ALG10B: variants seen among roughly 807,000 people sequenced by gnomAD.
ALG10B encodes dol-P-Glc:Glc(2)Man(9)GlcNAc(2)-PP-Dol alpha-1,2-glucosyltransferase B.
A neutral mutation model predicts 38.7 loss-of-function variants in ALG10B; 27 were observed. That is an observed-to-expected ratio of 0.70 (90% CI 0.51 to 0.96). The LOEUF is 0.96. Ranked by LOEUF, ALG10B falls within the 40% of genes least tolerant of loss-of-function variation. The probability of loss-of-function intolerance (pLI) is 0.00; values close to 1 mark genes in which losing one functional copy is unlikely to be tolerated. For synonymous variants in ALG10B, 177 were observed against 193.3 expected (o/e 0.92, Z 0.70); for missense variants, 522 against 542.7 (o/e 0.96, Z 0.38).
At position 38,320,495 on chromosome 12, in the gene ALG10B, A is replaced by G. The variant is rs768497416; in HGVS notation, c.704A>G (p.Gln235Arg). 1 of 1,614,066 alleles carries G rather than the reference A, an allele frequency of 6.2e-7. No individual in the cohort carries two copies. The highest frequency in any genetic ancestry group is 1.1e-5 in the South Asian group (1 of 91,078). Residue 235 changes from glutamine to arginine, a missense_variant, in exon 3 of 3, where the codon CAG becomes CGG. Gln to Arg is a conservative substitution (Grantham distance 43, BLOSUM62 1). Coordinates refer to ENST00000308742, the MANE Select transcript of ALG10B (RefSeq NM_001013620.4). ...TTTGCAGAATTCAGAAAAATTCTTC[A>G]GTTTCTTTTGGCTTATTCCATGTCC... is the stretch of plus-strand genomic sequence containing the variant. Reference protein sequence around the residue: ...GPFAEFRKILQFLLAYSMSFK... With the variant: ...GPFAEFRKILRFLLAYSMSFK...
At position 38,316,876 on chromosome 12, in the gene ALG10B, G is replaced by C; in HGVS notation, c.-18G>C. The C allele has an allele frequency of 3.7e-6, 6 of 1,614,112 alleles. No individual in the cohort carries two copies. Among genetic ancestry groups the C allele is most frequent in the Non-Finnish European group, 5.1e-6 (6 of 1,179,990 alleles). ...TTTTCCAGGAGTGGGTTCTTGGGCA[G>C]TGGCTGTGGGAGCAGGAATGGCGCA... On this transcript the variant is annotated 5_prime_UTR_variant, in exon 1 of 3. Transcript: ENST00000308742.
rs902026633 is a variant in ALG10B at position 38,321,338 on chromosome 12, GT to G, written c.*132del. On this transcript the variant is annotated 3_prime_UTR_variant, in exon 3 of 3. Coordinates refer to ENST00000308742, the MANE Select transcript of ALG10B (RefSeq NM_001013620.4). ...CAGTGGTGGTCCTCAAATTACATTA[GT>G]TTTTTTAATATATATTTTAAACATA... 38 of 954,336 alleles carry G rather than the reference GT, an allele frequency of 4.0e-5. No individual in the cohort carries two copies. Among genetic ancestry groups the G allele is most frequent in the South Asian group, 2.9e-4 (12 of 41,412 alleles). The allele number at this position is 954,336 out of a possible 1,614,324, so 59.1% of individuals were successfully genotyped here.
Position 38,321,168 on chromosome 12 carries a change from T to A in ALG10B, c.1377T>A (p.Thr459=). 6.2e-7 allele frequency: 1 copy of A among 1,612,570 alleles called. No homozygotes were observed. The highest frequency in any genetic ancestry group is 1.1e-5 in the South Asian group (1 of 90,644). The change falls in exon 3 of 3, where the codon ACT becomes ACA. Residue 459 remains threonine, a synonymous_variant. Coordinates refer to ENST00000308742, the MANE Select transcript of ALG10B (RefSeq NM_001013620.4). The part of the protein sequence containing the change: ...FITFYIFLNK[T]FQWPNSQDIQ... ...CTTTTTACATCTTTCTGAACAAGAC[T>A]TTTCAGTGGCCAAATAGTCAGGACA... is the stretch of plus-strand genomic sequence containing the variant.
intron 1 of ALG10B, 51 bp downstream of exon 1, chr12:38,317,115 C>A: frequency 6.2e-7 from 1 of 1,612,082 alleles, no homozygotes; most frequent in Admixed American, 1.7e-5. Context: ...AAGGTCCCAG[C>A]GTCCCCAGCT....
At position 38,329,080 on chromosome 12, in the gene ALG10B, A is replaced by T. The variant is rs1275989127; in HGVS notation, c.*7867A>T. The stretch of plus-strand genomic sequence containing the variant: ...TATGATGGAGAAAGGCATGAAGTCT[A>T]CCTTCAAATTCATGGCATTTTAGAA... On this transcript the variant is annotated 3_prime_UTR_variant, in exon 3 of 3. Transcript: ENST00000308742. 2.5e-6 allele frequency: 1 copy of T among 396,846 alleles called. No homozygotes were observed. The highest frequency in any genetic ancestry group is 2.1e-5 in the African/African-American group (1 of 48,606). The allele number at this position is 396,846 out of a possible 1,614,324, so 24.6% of individuals were successfully genotyped here. A position where few individuals can be genotyped will look rare whatever the true frequency, so the allele number is the denominator to read the frequency against.
chr12:38,317,876 T>C, intron 1 of ALG10B: 1 of 308,204 alleles, frequency 3.2e-6, no homozygotes, highest in South Asian at 3.2e-5. Context: ...TGTCTCAGTT[T>C]ATGTCAGCTG....
chr12:38,328,586 T>A lies in ALG10B; in HGVS notation c.*7373T>A, dbSNP rs1945765969. 6.6e-6 allele frequency: 1 copy of A among 152,200 alleles called. No homozygotes were observed. Among genetic ancestry groups the A allele is most frequent in the Admixed American group, 6.5e-5 (1 of 15,284 alleles). The allele number at this position is 152,200 out of a possible 1,614,324, so 9.4% of individuals were successfully genotyped here. ...CTGAATTAAACTCTTTTATAGTGTT[T>A]TATTGTTTTAAACCACAAAGATTTA... On this transcript the variant is annotated 3_prime_UTR_variant, in exon 3 of 3. Transcript: ENST00000308742.
In ALG10B at chr12:38,323,749, C is replaced by G; in HGVS notation, c.*2536C>G. ...AGAAAAACGTGTTTTACCCAGACTT[C>G]TTAAAAATTAGATGAGAGAGGACAC... is the stretch of plus-strand genomic sequence containing the variant. On this transcript the variant is annotated 3_prime_UTR_variant, in exon 3 of 3. Coordinates refer to ENST00000308742, the MANE Select transcript of ALG10B (RefSeq NM_001013620.4). 1.6e-6 allele frequency: 1 copy of G among 607,828 alleles called. No homozygotes were observed. 37.7% of individuals were successfully genotyped at this position (607,828 alleles called of 1,614,324 possible). A position where few individuals can be genotyped will look rare whatever the true frequency, so the allele number is the denominator to read the frequency against.
At chr12:38,318,522 G>T in intron 2 of ALG10B, 64 bp downstream of exon 2, 2 of 1,472,454 alleles carry the variant, frequency 1.4e-6, no homozygotes, top group Admixed American at 1.7e-5. Context: ...CAATGAATTA[G>T]TTTTATGAGA....
At position 38,320,867 on chromosome 12, in the gene ALG10B, G is replaced by T; in HGVS notation, c.1076G>T (p.Trp359Leu). The T allele has an allele frequency of 6.2e-7, 1 of 1,613,296 alleles. No individual in the cohort carries two copies. The highest frequency in any genetic ancestry group is 8.5e-7 in the Non-Finnish European group (1 of 1,179,784). ...AATAGACATTATACTTTCTATGTGTGGAAAAGAGTTTTTCAAAGATATGCA... is the reference window on the plus strand; with the variant it reads ...AATAGACATTATACTTTCTATGTGTTGAAAAGAGTTTTTCAAAGATATGCA... Reference protein sequence around the residue: ...ADNRHYTFYVWKRVFQRYAIL... With the variant: ...ADNRHYTFYVLKRVFQRYAIL... Residue 359 changes from tryptophan to leucine, a missense_variant, in exon 3 of 3, where the codon TGG becomes TTG. Transcript: ENST00000308742.
Position 38,322,118 on chromosome 12 carries a change from T to A in ALG10B, c.*905T>A, listed in dbSNP as rs760382611. 3.3e-5 allele frequency: 5 copies of A among 152,192 alleles called. No homozygotes were observed. Among genetic ancestry groups the A allele is most frequent in the Non-Finnish European group, 7.3e-5 (5 of 68,036 alleles). The allele number at this position is 152,192 out of a possible 1,614,324, so 9.4% of individuals were successfully genotyped here. ...TCCATTCTATGTCTGTTTCCTAATA[T>A]CTTGTGGCTGTCTGCAATTCTTGGA... is the stretch of plus-strand genomic sequence containing the variant. On this transcript the variant is annotated 3_prime_UTR_variant, in exon 3 of 3. Transcript: ENST00000308742.
At position 38,327,985 on chromosome 12, in the gene ALG10B, A is replaced by G. The variant is rs1271632466; in HGVS notation, c.*6772A>G. 1.3e-5 allele frequency: 2 copies of G among 152,192 alleles called. No individual in the cohort carries two copies. The highest frequency in any genetic ancestry group is 2.4e-5 in the African/African-American group (1 of 41,446). The allele number at this position is 152,192 out of a possible 1,614,324, so 9.4% of individuals were successfully genotyped here. On this transcript the variant is annotated 3_prime_UTR_variant, in exon 3 of 3. Transcript: ENST00000308742. ...TCAGAGGTCAACAATTAGATTGCAA[A>G]TCATGAAAAGCATAACTTCTAATTG...
In ALG10B at chr12:38,324,744, G is replaced by T. The variant is rs1202873901; in HGVS notation, c.*3531G>T. 1 of 152,062 alleles carries T rather than the reference G, an allele frequency of 6.6e-6. No individual in the cohort carries two copies. Among genetic ancestry groups the T allele is most frequent in the Non-Finnish European group, 1.5e-5 (1 of 67,996 alleles). 9.4% of individuals were successfully genotyped at this position (152,062 alleles called of 1,614,324 possible). On this transcript the variant is annotated 3_prime_UTR_variant, in exon 3 of 3. Transcript: ENST00000308742. ...AAACAACTGAGAAGACCATTCTTAGGTGTTTAGATCCTTGCTTTTAGAAAC... is the reference window on the plus strand; with the variant it reads ...AAACAACTGAGAAGACCATTCTTAGTTGTTTAGATCCTTGCTTTTAGAAAC...
rs551482323 is a variant in ALG10B, at chr12:38,329,261, T to C, written c.*8048T>C. On this transcript the variant is annotated 3_prime_UTR_variant, in exon 3 of 3. Coordinates refer to ENST00000308742, the MANE Select transcript of ALG10B (RefSeq NM_001013620.4). ...TTTGTCATGATACCTCAAATTGATA[T>C]ATGTTGTAATTATGAATTTAAGGAA... is the stretch of plus-strand genomic sequence containing the variant. The C allele has an allele frequency of 9.9e-5, 39 of 392,512 alleles. No homozygotes were observed. The highest frequency in any genetic ancestry group is 1.7e-4 in the Non-Finnish European group (38 of 225,182). 24.3% of individuals were successfully genotyped at this position (392,512 alleles called of 1,614,324 possible). A position where few individuals can be genotyped will look rare whatever the true frequency, so the allele number is the denominator to read the frequency against.
In ALG10B at chr12:38,316,796, G is replaced by A; in HGVS notation, c.-98G>A. On this transcript the variant is annotated 5_prime_UTR_variant, in exon 1 of 3. Coordinates refer to ENST00000308742, the MANE Select transcript of ALG10B (RefSeq NM_001013620.4). ...TATGTGGCCCCGTCTGGCTAGTCCT[G>A]TCTAGCGCGCCCATTTCGAGCCCAA... 1 of 1,604,886 alleles carries A rather than the reference G, an allele frequency of 6.2e-7. No individual in the cohort carries two copies. The highest frequency in any genetic ancestry group is 8.5e-7 in the Non-Finnish European group (1 of 1,173,694).
rs1565604398 is a variant in ALG10B, at chr12:38,320,751, G to A, written c.960G>A (p.Trp320Ter). 1.2e-6 allele frequency: 2 copies of A among 1,613,602 alleles called. No individual in the cohort carries two copies. Among genetic ancestry groups the A allele is most frequent in the Non-Finnish European group, 1.7e-6 (2 of 1,179,900 alleles). ...TTAAGACTTTTCTTTCCTTAGTTTG[G>A]AAACATGGAATTCTGTTTTTGGTGG... is the stretch of plus-strand genomic sequence containing the variant. Reference protein sequence around the residue: ...SKIKTFLSLVWKHGILFLVVT... With the variant: ...SKIKTFLSLV The change falls in exon 3 of 3, where the codon TGG (tryptophan) becomes TGA (stop). Residue 320 changes from tryptophan to a stop codon, truncating the protein, a stop_gained. Transcript: ENST00000308742. LOFTEE classifies it high-confidence loss of function.
rs1945659603 is a variant in ALG10B at position 38,316,888 on chromosome 12, G to A, written c.-6G>A. On this transcript the variant is annotated 5_prime_UTR_variant, in exon 1 of 3. Transcript: ENST00000308742. ...GGGTTCTTGGGCAGTGGCTGTGGGA[G>A]CAGGAATGGCGCAGCTAGAGGGTTA... 1 of 1,614,152 alleles carries A rather than the reference G, an allele frequency of 6.2e-7. No homozygotes were observed.
rs1157941810 is a variant in ALG10B, at chr12:38,329,335, T to A, written c.*8122T>A. The stretch of plus-strand genomic sequence containing the variant: ...AGCCTTCAGCCATATTAACATACAT[T>A]GACATAAAGACCTTTGTTTTAATAT... On this transcript the variant is annotated 3_prime_UTR_variant, in exon 3 of 3. Coordinates refer to ENST00000308742, the MANE Select transcript of ALG10B (RefSeq NM_001013620.4). 1.0e-5 allele frequency: 4 copies of A among 397,180 alleles called. No homozygotes were observed. The highest frequency in any genetic ancestry group is 8.2e-5 in the African/African-American group (4 of 48,592). The allele number at this position is 397,180 out of a possible 1,614,324, so 24.6% of individuals were successfully genotyped here.
At position 38,324,295 on chromosome 12, in the gene ALG10B, A is replaced by C. The variant is rs1358479179; in HGVS notation, c.*3082A>C. ...GTAATCCACCTGCCTCGCCTCCCAAAGTGCTGGGATTACAGGCGTGAGCCA... is the reference window on the plus strand; with the variant it reads ...GTAATCCACCTGCCTCGCCTCCCAACGTGCTGGGATTACAGGCGTGAGCCA... On this transcript the variant is annotated 3_prime_UTR_variant, in exon 3 of 3. Coordinates refer to ENST00000308742, the MANE Select transcript of ALG10B (RefSeq NM_001013620.4). The C allele has an allele frequency of 5.2e-6, 1 of 193,542 alleles. No homozygotes were observed. The highest frequency in any genetic ancestry group is 2.3e-5 in the African/African-American group (1 of 42,760). 12.0% of individuals were successfully genotyped at this position (193,542 alleles called of 1,614,324 possible). A position where few individuals can be genotyped will look rare whatever the true frequency, so the allele number is the denominator to read the frequency against.
Sources: gnomAD v4.1 joint callset for allele counts on GRCh38, gnomAD v4.1.1 for gene constraint, MANE v1.5 for transcripts, NCBI Gene and HGNC (gene_info 2026-07-23, HGNC 2026-07-21) for gene names.